The following NOX4 variants were observed in gnomAD, a reference collection of about 807,000 sequenced individuals.
NOX4 encodes the protein NADPH oxidase 4, also known as kidney oxidase-1.
NOX4 carries 69 observed loss-of-function variants against 87.6 expected under a neutral mutation model. The ratio of observed to expected loss-of-function variants is 0.79; its 90% CI spans 0.65 to 0.96. The LOEUF (loss-of-function observed/expected upper bound fraction) is 0.96, where lower values mean the gene tolerates loss of function less well. Among genes scored for constraint, NOX4 ranks in the 40% least tolerant of loss-of-function variants. NOX4 has a pLI of 0.00. For synonymous variants in NOX4, 275 were observed against 238.2 expected, an observed-to-expected ratio of 1.15 and a Z score of -1.42; for missense variants, 680 against 681.5, an observed-to-expected ratio of 1.00 and a Z score of 0.02.
intron 11 of NOX4, among the ~76,000 whole-genome samples, chr11:89,396,295 GCTCT>G (rs1941478547): frequency 6.6e-6 from 1 of 151,974 alleles, no homozygotes; most frequent in South Asian, 2.1e-4. Flanking sequence ...TCATGATTTG[GCTCT>G]CTGTTTGTCT....
the NOX4 span, among the ~76,000 whole-genome samples, chr11:89,521,342 C>T: frequency 2.6e-5 from 4 of 152,048 alleles, no homozygotes; most frequent in Admixed American, 2.0e-4. Context: ...ACACATAAAC[C>T]ACTGGACCGG....
chr11:89,463,376 G>C (rs544105743), intron 2 of NOX4, among the ~76,000 whole-genome samples: 17 of 151,986 alleles, frequency 1.1e-4, no homozygotes, highest in African/African-American at 3.9e-4. Flanking sequence ...CTTGTCATCT[G>C]TTGTTGTCTG....
intron 8 of NOX4, among the ~76,000 whole-genome samples, chr11:89,404,946 TTAAC>T (rs1452611411): frequency 6.6e-6 from 1 of 152,142 alleles, no homozygotes; most frequent in African/African-American, 2.4e-5. Context: ...AGGTAAGAGA[TTAAC>T]TAAGTATAGT....
At chr11:89,344,748 A>G (rs548577363) in intron 13 of NOX4, among the ~76,000 whole-genome samples, 55 of 152,294 alleles carry the variant, frequency 3.6e-4, no homozygotes, top group African/African-American at 9.6e-4. Flanking sequence ...TTGGGAACTA[A>G]AACTCAGAAA....
chr11:89,536,945 T>C, the NOX4 span, among the ~76,000 whole-genome samples: 1 of 152,206 alleles, frequency 6.6e-6, no homozygotes, highest in Non-Finnish European at 1.5e-5. Flanking sequence ...TGAATATTCA[T>C]TTCAAAAACA....
chr11:89,536,096 A>G, the NOX4 span, among the ~76,000 whole-genome samples: 1 of 150,744 alleles, frequency 6.6e-6, no homozygotes, highest in African/African-American at 2.4e-5. Context: ...CTATTCAGTA[A>G]AGCTCAGGGT....
chr11:89,566,133 A>C, the NOX4 span, among the ~76,000 whole-genome samples: 1 of 148,254 alleles, frequency 6.7e-6, no homozygotes, highest in Non-Finnish European at 1.5e-5. Flanking sequence ...AGCTCTGCCT[A>C]CCGGGTTCAC....
the NOX4 span, among the ~76,000 whole-genome samples, chr11:89,528,326 TA>T: frequency 6.6e-6 from 1 of 152,182 alleles, no homozygotes; most frequent in Admixed American, 6.5e-5. Context: ...ACTTTTAGGT[TA>T]CTTCTGGAAT....
chr11:89,396,659 G>A (rs934630869), intron 11 of NOX4, among the ~76,000 whole-genome samples: 4 of 152,034 alleles, frequency 2.6e-5, no homozygotes, highest in African/African-American at 9.7e-5. Flanking sequence ...AAAAAGCAGG[G>A]ATTGCAATCC....
rs1160580140 is a variant in NOX4, at chr11:89,328,601, CA to C, written c.1617-1726del. 2.4e-4 allele frequency among the ~76,000 whole-genome samples: 36 copies of C among 151,964 alleles called. No homozygotes were observed. In the Middle Eastern group the frequency reaches 0.014, roughly 57 times the overall value. Reference sequence around the variant, plus strand: ...TTTAAACTTTAAAATGTACAGAAATCAACAAAAAAGTACCAGGAATTCAAAA... The same window carrying C: ...TTTAAACTTTAAAATGTACAGAAATCACAAAAAAGTACCAGGAATTCAAAA... On this transcript the variant is annotated intron_variant, in intron 17 of 17. Transcript: ENST00000263317.
chr11:89,503,493 T>C, the NOX4 span, among the ~76,000 whole-genome samples: 1 of 151,842 alleles, frequency 6.6e-6, no homozygotes, highest in Non-Finnish European at 1.5e-5. Flanking sequence ...ATTTCCTCTT[T>C]TCAGCTCATT....
At chr11:89,530,441 C>A in the NOX4 span, among the ~76,000 whole-genome samples, 4 of 149,098 alleles carry the variant, frequency 2.7e-5, no homozygotes, top group Non-Finnish European at 4.4e-5. Flanking sequence ...CTCCTGGATT[C>A]AAGTGATTCT....
rs1353560847 is a variant in NOX4, at chr11:89,439,714, G to C, written c.475+974C>G. Among the ~76,000 whole-genome samples, 8 of 151,952 alleles carry C rather than the reference G, an allele frequency of 5.3e-5. No homozygotes were observed. In the South Asian group the frequency reaches 1.5e-3, roughly 28 times the overall value. ...TATTCTTTCATCTTTATAAATCTAA[G>C]GTTGGGAAAAAGAAGACTTTTAGCA... is the stretch of plus-strand genomic sequence containing the variant. On this transcript the variant is annotated intron_variant, in intron 6 of 17. Transcript: ENST00000263317.
chr11:89,416,039 C>G (rs749254955), intron 8 of NOX4, among the ~76,000 whole-genome samples: 2 of 152,100 alleles, frequency 1.3e-5, no homozygotes, highest in Non-Finnish European at 2.9e-5. Flanking sequence ...AGCTCAAAGT[C>G]TACATTAAAA....
rs925944552 is a variant in NOX4, at chr11:89,490,566, G to A, written c.58-13C>T. ...AGAGCCAGATGAACTAAACCAATCA[G>A]ACATGAGAGACAGAAAACAAAAATT... On this transcript the variant is annotated splice_polypyrimidine_tract_variant and intron_variant, in intron 1 of 17. Coordinates refer to ENST00000263317, the MANE Select transcript of NOX4 (RefSeq NM_016931.5). The A allele has an allele frequency of 5.0e-6, 8 of 1,598,166 alleles. No homozygotes were observed. Among genetic ancestry groups the A allele is most frequent in the South Asian group, 1.1e-5 (1 of 90,754 alleles).
intron 11 of NOX4, among the ~76,000 whole-genome samples, chr11:89,390,323 G>A (rs1459353690): frequency 1.3e-5 from 2 of 152,260 alleles, no homozygotes; most frequent in African/African-American, 2.4e-5. Flanking sequence ...ACAAATGAGC[G>A]AGCTTGTAAC....
chr11:89,391,119 T>C (rs1039106319), intron 11 of NOX4, among the ~76,000 whole-genome samples: 4 of 152,164 alleles, frequency 2.6e-5, no homozygotes, highest in African/African-American at 9.7e-5. Context: ...ATGCACCACA[T>C]ACTGTGCTAT....
chr11:89,442,990 G>A (rs924378296), intron 5 of NOX4, among the ~76,000 whole-genome samples: 1 of 152,098 alleles, frequency 6.6e-6, no homozygotes, highest in Non-Finnish European at 1.5e-5. Context: ...GGGCAGAAGT[G>A]GAGGCTGGGT....
At chr11:89,350,005 C>T (rs1024621173) in intron 13 of NOX4, among the ~76,000 whole-genome samples, 14 of 152,318 alleles carry the variant, frequency 9.2e-5, no homozygotes, top group Middle Eastern at 3.4e-3. Flanking sequence ...TTTCCTCCAA[C>T]CTATAAATCA....
Sources: gnomAD v4.1 joint callset for allele counts (sites outside exome capture counted in the v4.1 genomes callset) on GRCh38, gnomAD v4.1.1 for gene constraint, MANE v1.5 for transcripts, NCBI Gene and HGNC (gene_info 2026-07-23, HGNC 2026-07-21) for gene names.